Variants in PPP1R12A observed in about 807,000 individuals in gnomAD.
The protein encoded by PPP1R12A is myosin binding subunit.
In PPP1R12A, 19 loss-of-function variants were observed where a neutral mutation model predicts 139.6. That is an observed-to-expected ratio of 0.14 (90% CI 0.09 to 0.20). The LOEUF is 0.20. Among genes scored for constraint, PPP1R12A ranks in the 10% least tolerant of loss-of-function variants. The pLI, the probability that PPP1R12A is intolerant of heterozygous loss-of-function variation, is 1.00. For synonymous variants in PPP1R12A, 427 were observed against 420.6 expected, an observed-to-expected ratio of 1.02 and a Z score of -0.19; for missense variants, 925 against 1,211.5, an observed-to-expected ratio of 0.76 and a Z score of 3.51.
chr12:79,882,734 G>A lies in PPP1R12A; in HGVS notation c.238-9796C>T, dbSNP rs114970908. Among the ~76,000 whole-genome samples the A allele has an allele frequency of 2.2e-3, 338 of 152,272 alleles. 2 individuals are homozygous for A. Among genetic ancestry groups the A allele is most frequent in the African/African-American group, 7.8e-3 (323 of 41,566 alleles). ...TATACTACAGAGAAATCTTTCATGA[G>A]AGGAAGAGTCAGTTGATGAGGGAAA... is the stretch of plus-strand genomic sequence containing the variant. On this transcript the variant is annotated intron_variant, in intron 1 of 24. Coordinates refer to ENST00000450142, the MANE Select transcript of PPP1R12A (RefSeq NM_002480.3).
chr12:79,797,996 A>G (rs1033453939), intron 15 of PPP1R12A, among the ~76,000 whole-genome samples: 10 of 152,130 alleles, frequency 6.6e-5, no homozygotes, highest in Admixed American at 6.5e-4. Context: ...GAATGGCAAA[A>G]CGGAGGTAAG....
At chr12:79,828,886 G>A (rs1183847330) in intron 4 of PPP1R12A, among the ~76,000 whole-genome samples, 2 of 151,894 alleles carry the variant, frequency 1.3e-5, no homozygotes, top group Admixed American at 6.6e-5. Flanking sequence ...ATATAATCTC[G>A]GGCTAAATGT....
chr12:79,932,785 C>G (rs1039383151), intron 1 of PPP1R12A, among the ~76,000 whole-genome samples: 2 of 152,262 alleles, frequency 1.3e-5, no homozygotes, highest in Admixed American at 1.3e-4. Context: ...CTCTTCCTCC[C>G]TAAACCAGTA....
intron 1 of PPP1R12A, among the ~76,000 whole-genome samples, chr12:79,882,424 A>AAG (rs1283890600): frequency 6.6e-6 from 1 of 152,186 alleles, no homozygotes; most frequent in South Asian, 2.1e-4. Context: ...TATAAACGGC[A>AAG]AGAGAACAAG....
chr12:79,916,719 T>C (rs956014674), intron 1 of PPP1R12A, among the ~76,000 whole-genome samples: 3 of 152,110 alleles, frequency 2.0e-5, no homozygotes, highest in Admixed American at 1.3e-4. Flanking sequence ...CCTCATGAAA[T>C]AAAAGGTTCA....
At chr12:79,864,115 A>C (rs1881690050) in intron 2 of PPP1R12A, among the ~76,000 whole-genome samples, 1 of 152,222 alleles carries the variant, frequency 6.6e-6, no homozygotes, top group African/African-American at 2.4e-5. Flanking sequence ...CAAATGTAAA[A>C]GAACAGAAAT....
At chr12:79,867,849 G>A (rs962357196) in intron 2 of PPP1R12A, among the ~76,000 whole-genome samples, 1 of 152,040 alleles carries the variant, frequency 6.6e-6, no homozygotes, top group African/African-American at 2.4e-5. Flanking sequence ...CCCTTTGCTT[G>A]GCACTTCTTC....
intron 3 of PPP1R12A, among the ~76,000 whole-genome samples, chr12:79,841,452 G>A (rs1878700235): frequency 6.6e-6 from 1 of 152,152 alleles, no homozygotes; most frequent in Non-Finnish European, 1.5e-5. Flanking sequence ...AAATCCTTAA[G>A]AAGGATTGTC....
chr12:79,788,611 T>A, intron 21 of PPP1R12A, 37 bp downstream of exon 21: 1 of 1,533,188 alleles, frequency 6.5e-7, no homozygotes, highest in Non-Finnish European at 8.8e-7. Flanking sequence ...ACATAAAAGA[T>A]AACTTTTTAT....
At chr12:79,862,303 C>T (rs988827587) in intron 2 of PPP1R12A, among the ~76,000 whole-genome samples, 2 of 152,164 alleles carry the variant, frequency 1.3e-5, no homozygotes, top group African/African-American at 4.8e-5. Context: ...ACCAAAACCC[C>T]ATCTGTAGGT....
At chr12:79,914,448 A>AG (rs1218546744) in intron 1 of PPP1R12A, among the ~76,000 whole-genome samples, 2 of 152,062 alleles carry the variant, frequency 1.3e-5, no homozygotes, top group African/African-American at 4.8e-5. Context: ...AATATTATAA[A>AG]GGGGGTCCTA....
intron 23 of PPP1R12A, among the ~76,000 whole-genome samples, chr12:79,781,435 A>G (rs777583221): frequency 1.3e-5 from 2 of 152,110 alleles, no homozygotes; most frequent in Non-Finnish European, 2.9e-5. Flanking sequence ...AAAGTATTTT[A>G]GGTTTATAAA....
Position 79,830,163 on chromosome 12 carries a change from C to T in PPP1R12A, c.648-1699G>A, listed in dbSNP as rs1877248634. On this transcript the variant is annotated intron_variant, in intron 4 of 24. Transcript: ENST00000450142. The stretch of plus-strand genomic sequence containing the variant: ...TCACTCTCTCACCGCTGACTTTTAG[C>T]CAACTAGCTTGCCCTACCTCAAAAT... Among the ~76,000 whole-genome samples the T allele has an allele frequency of 1.3e-5, 2 of 151,706 alleles. 1 individual carries two copies. Among genetic ancestry groups the T allele is most frequent in the South Asian group, 4.2e-4 (2 of 4,818 alleles).
At chr12:79,923,372 A>G (rs540629229) in intron 1 of PPP1R12A, among the ~76,000 whole-genome samples, 1 of 152,242 alleles carries the variant, frequency 6.6e-6, no homozygotes, top group South Asian at 2.1e-4. Context: ...GGACTAGGAA[A>G]ATAAATTCCA....
intron 9 of PPP1R12A, among the ~76,000 whole-genome samples, chr12:79,813,625 T>G (rs1874880133): frequency 6.6e-6 from 1 of 152,138 alleles, no homozygotes. Context: ...CCAACAAAAT[T>G]TATTTTGACC....
intron 1 of PPP1R12A, among the ~76,000 whole-genome samples, chr12:79,882,852 C>CA (rs1483129381): frequency 6.6e-6 from 1 of 152,010 alleles, no homozygotes; most frequent in African/African-American, 2.4e-5. Context: ...CAAGACCCTC[C>CA]ACTAGGCCAG....
At chr12:79,862,483 A>C (rs1158026538) in intron 2 of PPP1R12A, among the ~76,000 whole-genome samples, 2 of 152,212 alleles carry the variant, frequency 1.3e-5, no homozygotes, top group African/African-American at 4.8e-5. Flanking sequence ...AAAGTGACAG[A>C]AGTCAGCTTC....
chr12:79,863,131 C>T, intron 2 of PPP1R12A, among the ~76,000 whole-genome samples: 1 of 152,136 alleles, frequency 6.6e-6, no homozygotes, highest in East Asian at 1.9e-4. Context: ...GGCAGAAACC[C>T]TAGAAGCCAG....
At chr12:79,822,287 TAACA>T in intron 5 of PPP1R12A, 97 bp from the exon 6 acceptor site, 2 of 822,538 alleles carry the variant, frequency 2.4e-6, no homozygotes, top group Non-Finnish European at 3.8e-6. Flanking sequence ...AGACGTTGGA[TAACA>T]TTTTTTACAG....
Sources: allele counts gnomAD v4.1 joint callset (sites outside exome capture counted in the v4.1 genomes callset), GRCh38; gene constraint gnomAD v4.1.1; transcripts MANE v1.5; gene names NCBI Gene and HGNC (gene_info 2026-07-23, HGNC 2026-07-21).